The following SCRN3 variants were observed in gnomAD, a reference collection of about 807,000 sequenced individuals.
SCRN3 encodes the protein secernin 3.
A neutral mutation model predicts 43.1 loss-of-function variants in SCRN3; 39 were observed. The observed-to-expected ratio is 0.91, with a 90% CI of 0.70 to 1.18. SCRN3 has a LOEUF of 1.18. Ranked by LOEUF, SCRN3 falls within the 50% of genes most tolerant of loss-of-function variation. SCRN3 has a pLI of 0.00. For synonymous variants in SCRN3, 147 were observed against 163.1 expected, an observed-to-expected ratio of 0.90 and a Z score of 0.75; for missense variants, 484 against 498.0, an observed-to-expected ratio of 0.97 and a Z score of 0.27.
At chr2:174,397,422 G>T (rs530450076) in intron 1 of SCRN3, 1 of 864,956 alleles carries the variant, frequency 1.2e-6, no homozygotes, top group Non-Finnish European at 1.4e-6. Context: ...AGATATTAAA[G>T]TATATAATTG....
At chr2:174,404,350 A>G in intron 5 of SCRN3, 35 bp downstream of exon 5, 1 of 1,459,240 alleles carries the variant, frequency 6.9e-7, no homozygotes, top group Admixed American at 1.7e-5. Flanking sequence ...TAGGATGACA[A>G]ACTACATTTT....
At chr2:174,396,420 T>C (rs13009079) in intron 1 of SCRN3, 186,405 of 620,396 alleles carry the variant, frequency 0.3, 30,058 homozygotes, top group Middle Eastern at 0.47. Flanking sequence ...TTGATGGCCC[T>C]TGGGACTCCA....
At chr2:174,422,808 G>A (rs1686337076) in intron 5 of SCRN3, 77 bp from the exon 6 acceptor site, 1 of 846,018 alleles carries the variant, frequency 1.2e-6, no homozygotes, top group South Asian at 1.9e-5. Flanking sequence ...CATATTATCA[G>A]TAGAGAAAGC....
chr2:174,424,551 G>A lies in SCRN3; in HGVS notation c.994G>A (p.Glu332Lys). 1 of 1,613,280 alleles carries A rather than the reference G, an allele frequency of 6.2e-7. No individual in the cohort carries two copies. Among genetic ancestry groups the A allele is most frequent in the Non-Finnish European group, 8.5e-7 (1 of 1,179,484 alleles). Residue 332 changes from glutamate to lysine, a missense_variant, in exon 7 of 8, where the codon GAA becomes AAA. Coordinates refer to ENST00000272732, the MANE Select transcript of SCRN3 (RefSeq NM_024583.5). ...TACCAGTTCACCAACATTTGAACTTGAAGATCTAGTTAAAAAGAAATCACA... is the reference window on the plus strand; with the variant it reads ...TACCAGTTCACCAACATTTGAACTTAAAGATCTAGTTAAAAAGAAATCACA... ...LDTSSPTFEL[E>K]DLVKKKSHFK...
In SCRN3 at chr2:174,428,093, G is replaced by C; in HGVS notation, c.*198G>C. On this transcript the variant is annotated 3_prime_UTR_variant, in exon 8 of 8. Transcript: ENST00000272732. ...TAGAAAGAAAACAGCATTGGAATTG[G>C]ATTCATGTATCGTGGGATACAGGTG... 2.7e-6 allele frequency: 1 copy of C among 374,032 alleles called. No individual in the cohort carries two copies. Among genetic ancestry groups the C allele is most frequent in the Non-Finnish European group, 4.9e-6 (1 of 205,500 alleles). 23.2% of individuals were successfully genotyped at this position (374,032 alleles called of 1,614,324 possible).
Position 174,427,770 on chromosome 2 carries a change from G to C in SCRN3, c.1150G>C (p.Glu384Gln), listed in dbSNP as rs779521977. ...MRKLEKELFR[E>Q]MESILQNKHL... ...GAAACTGGAGAAAGAACTATTCAGA[G>C]AGATGGAATCAATCCTTCAAAACAA... The change falls in exon 8 of 8, where the codon GAG becomes CAG. Residue 384 changes from glutamate (E) to glutamine (Q), a missense_variant. Glu to Gln is a conservative substitution (Grantham distance 29, BLOSUM62 2). Coordinates refer to ENST00000272732, the MANE Select transcript of SCRN3 (RefSeq NM_024583.5). 1 of 1,612,724 alleles carries C rather than the reference G, an allele frequency of 6.2e-7. No individual in the cohort carries two copies. The highest frequency in any genetic ancestry group is 2.2e-5 in the East Asian group (1 of 44,710).
chr2:174,403,059 T>C (rs1334514150), intron 4 of SCRN3, among the ~76,000 whole-genome samples: 1 of 149,204 alleles, frequency 6.7e-6, no homozygotes, highest in Non-Finnish European at 1.5e-5. Flanking sequence ...ATCTGGAATA[T>C]ATAAAGAGCA....
At chr2:174,398,667 T>C (rs1295974669) in intron 2 of SCRN3, among the ~76,000 whole-genome samples, 1 of 152,208 alleles carries the variant, frequency 6.6e-6, no homozygotes, top group Non-Finnish European at 1.5e-5. Context: ...ATTTGAATGC[T>C]TTCCATATGC....
At chr2:174,397,265 G>C (rs1224839531) in intron 1 of SCRN3, 2 of 983,766 alleles carry the variant, frequency 2.0e-6, no homozygotes, top group Non-Finnish European at 2.4e-6. Flanking sequence ...CCTGTGTAAA[G>C]CCATTTTAAG....
intron 5 of SCRN3, among the ~76,000 whole-genome samples, chr2:174,415,320 C>T (rs1686066002): frequency 6.6e-6 from 1 of 151,384 alleles, no homozygotes; most frequent in African/African-American, 2.4e-5. Context: ...CTACTATGTA[C>T]CCACAAAGAG....
At chr2:174,401,979 G>T (rs1241625953) in intron 4 of SCRN3, among the ~76,000 whole-genome samples, 3 of 152,180 alleles carry the variant, frequency 2.0e-5, no homozygotes, top group Non-Finnish European at 4.4e-5. Flanking sequence ...GAACAGAAAG[G>T]TTATTATCGT....
At chr2:174,409,287 C>T (rs1454433564) in intron 5 of SCRN3, among the ~76,000 whole-genome samples, 1 of 140,370 alleles carries the variant, frequency 7.1e-6, no homozygotes, top group Non-Finnish European at 1.6e-5. Flanking sequence ...ACGTAGTTCT[C>T]GAGCCTTGGT....
rs1220236630 is a variant in SCRN3 at position 174,428,447 on chromosome 2, T to TAA, written c.*552_*553insAA. ...GCACTTTTGTTAAACTCAAACATGC[T>TAA]CTTTGTCAAGACTTGGCTAACCAGT... On this transcript the variant is annotated 3_prime_UTR_variant, in exon 8 of 8. Coordinates refer to ENST00000272732, the MANE Select transcript of SCRN3 (RefSeq NM_024583.5). 2 of 152,630 alleles carry TAA rather than the reference T, an allele frequency of 1.3e-5. No individual in the cohort carries two copies. The highest frequency in any genetic ancestry group is 3.8e-4 in the East Asian group (2 of 5,206). 9.5% of individuals were successfully genotyped at this position (152,630 alleles called of 1,614,324 possible). A position where few individuals can be genotyped will look rare whatever the true frequency, so the allele number is the denominator to read the frequency against.
chr2:174,422,672 G>A (rs371146009), intron 5 of SCRN3, among the ~76,000 whole-genome samples: 1 of 151,434 alleles, frequency 6.6e-6, no homozygotes, highest in South Asian at 2.1e-4. Flanking sequence ...CAATGGCTTT[G>A]AGACTTTGCA....
chr2:174,416,448 A>G (rs922554106), intron 5 of SCRN3, among the ~76,000 whole-genome samples: 16 of 152,202 alleles, frequency 1.1e-4, no homozygotes, highest in African/African-American at 3.6e-4. Flanking sequence ...ATTTGAGGGT[A>G]AAGAGTGTAG....
At chr2:174,425,743 A>C (rs914564648) in intron 7 of SCRN3, among the ~76,000 whole-genome samples, 4 of 152,172 alleles carry the variant, frequency 2.6e-5, no homozygotes, top group Non-Finnish European at 5.9e-5. Flanking sequence ...TAAGATGTCG[A>C]TTGACAACTT....
intron 3 of SCRN3, 104 bp from the exon 4 acceptor site, chr2:174,400,886 G>A (rs13017310): frequency 0.24 from 232,322 of 986,258 alleles, 29,270 homozygotes; most frequent in Middle Eastern, 0.34. Flanking sequence ...TGTTAACTTG[G>A]AAGAAATTTT....
chr2:174,404,105 G>A lies in SCRN3; in HGVS notation c.544G>A (p.Gly182Arg), dbSNP rs1470527256. 23 of 1,611,318 alleles carry A rather than the reference G, an allele frequency of 1.4e-5. No individual in the cohort carries two copies. The highest frequency in any genetic ancestry group is 2.0e-5 in the Non-Finnish European group (23 of 1,177,870). ...KYWAAEKVQE[G>R]VRNISNQLSI... ...CTCCTCTTCTTCTTTGAAAATAGAG[G>A]GAGTTCGTAATATTTCTAATCAACT... Residue 182 changes from glycine to arginine, a missense_variant and splice_region_variant, in exon 5 of 8, where the codon GGA (glycine) becomes AGA (arginine). Transcript: ENST00000272732.
chr2:174,396,721 G>C (rs13033440), intron 1 of SCRN3, among the ~76,000 whole-genome samples: 29,600 of 151,258 alleles, frequency 0.2, 3,328 homozygotes, highest in Middle Eastern at 0.37. Context: ...TCACTTGAAC[G>C]CGGGAGGCGG....
Sources: gnomAD v4.1 joint callset for allele counts (sites outside exome capture counted in the v4.1 genomes callset) on GRCh38, gnomAD v4.1.1 for gene constraint, MANE v1.5 for transcripts, NCBI Gene and HGNC (gene_info 2026-07-23, HGNC 2026-07-21) for gene names.